The following PTPRD variants were observed in gnomAD, a reference collection of about 807,000 sequenced individuals.
The protein encoded by PTPRD is protein tyrosine phosphatase receptor type D, also known as receptor-type tyrosine-protein phosphatase delta.
A neutral mutation model predicts 214.5 loss-of-function variants in PTPRD; 34 were observed. The observed-to-expected ratio is 0.16, with a 90% confidence interval of 0.12 to 0.21. The LOEUF (loss-of-function observed/expected upper bound fraction) is 0.21. Ranked by LOEUF, PTPRD falls within the 10% of genes least tolerant of loss-of-function variation. PTPRD has a pLI of 1.00. For missense variants in PTPRD, 2,545 were observed against 2,398.7 expected (o/e 1.06, Z -1.27); for synonymous variants, 1,128 against 845.7 (o/e 1.33, Z -5.79).
intron 14 of PTPRD, among the ~76,000 whole-genome samples, chr9:8,579,302 TG>T (rs1474845947): frequency 6.6e-6 from 1 of 152,246 alleles, no homozygotes; most frequent in Non-Finnish European, 1.5e-5. Flanking sequence ...AATGCTCTCC[TG>T]GTATATAATC....
chr9:8,818,601 T>A (rs555476265), intron 11 of PTPRD, among the ~76,000 whole-genome samples: 1 of 152,174 alleles, frequency 6.6e-6, no homozygotes, highest in Admixed American at 6.5e-5. Flanking sequence ...AAAAGCCACA[T>A]AGTCAAAAAG....
intron 3 of PTPRD, among the ~76,000 whole-genome samples, chr9:10,053,642 T>C (rs1291646599): frequency 1.3e-5 from 2 of 152,216 alleles, no homozygotes; most frequent in African/African-American, 4.8e-5. Context: ...TTTCAGGCAA[T>C]ATCTTGTATC....
chr9:10,281,987 A>G (rs1249210174), intron 3 of PTPRD, among the ~76,000 whole-genome samples: 1 of 144,330 alleles, frequency 6.9e-6, no homozygotes, highest in Non-Finnish European at 1.5e-5. Context: ...TAGTTAAAAT[A>G]ATAAAAAAAA....
At chr9:10,104,991 T>C (rs1050032402) in intron 3 of PTPRD, among the ~76,000 whole-genome samples, 2 of 151,822 alleles carry the variant, frequency 1.3e-5, no homozygotes, top group African/African-American at 2.4e-5. Context: ...TTTCTCCCTT[T>C]GTATATCTGG....
chr9:9,239,670 G>T (rs975898039), intron 9 of PTPRD, among the ~76,000 whole-genome samples: 1 of 152,148 alleles, frequency 6.6e-6, no homozygotes, highest in Non-Finnish European at 1.5e-5. Context: ...TGGGCAGATG[G>T]CCATGGTACA....
chr9:9,435,429 C>T (rs942671521), intron 8 of PTPRD, among the ~76,000 whole-genome samples: 3 of 151,306 alleles, frequency 2.0e-5, no homozygotes, highest in Admixed American at 6.6e-5. Flanking sequence ...GAGGATCCCT[C>T]GAACCCAGGA....
At chr9:8,566,319 A>G (rs2089174885) in intron 14 of PTPRD, among the ~76,000 whole-genome samples, 1 of 152,158 alleles carries the variant, frequency 6.6e-6, no homozygotes, top group Non-Finnish European at 1.5e-5. Context: ...ATCTGTACGA[A>G]TAGCTGAGCC....
intron 2 of PTPRD, among the ~76,000 whole-genome samples, chr9:10,580,289 A>C (rs2071254070): frequency 6.6e-6 from 1 of 152,198 alleles, no homozygotes. Flanking sequence ...TAATTTTGAT[A>C]TGACTATGCC....
chr9:9,772,275 G>T (rs7023941), intron 5 of PTPRD, among the ~76,000 whole-genome samples: 8,612 of 152,048 alleles, frequency 0.057, 777 homozygotes, highest in African/African-American at 0.2. Context: ...AATTAACCTT[G>T]CTGATAGCTT....
At chr9:8,369,257 TTA>T (rs2080827142) in intron 39 of PTPRD, among the ~76,000 whole-genome samples, 1 of 152,150 alleles carries the variant, frequency 6.6e-6, no homozygotes, top group African/African-American at 2.4e-5. Context: ...TCTTTTGTTT[TTA>T]TGCTCTTATG....
intron 8 of PTPRD, among the ~76,000 whole-genome samples, chr9:9,567,776 T>G (rs1458042760): frequency 6.6e-6 from 1 of 151,924 alleles, no homozygotes; most frequent in Non-Finnish European, 1.5e-5. Flanking sequence ...CATTTTTAAA[T>G]GCAGAGGGTA....
rs189896181 is a variant in PTPRD at position 9,507,298 on chromosome 9, A to T, written c.-237+67434T>A. Among the ~76,000 whole-genome samples the T allele has an allele frequency of 2.1e-3, 312 of 151,376 alleles. 1 individual carries two copies. Among genetic ancestry groups the T allele is most frequent in the African/African-American group, 6.7e-3 (277 of 41,488 alleles). ...AACACACAAAATTGCAGAAACTGGG[A>T]TTAAATTTGTTATATATTAAGAATG... is the stretch of plus-strand genomic sequence containing the variant. On this transcript the variant is annotated intron_variant, in intron 8 of 45. Coordinates refer to ENST00000381196, the MANE Select transcript of PTPRD (RefSeq NM_002839.4).
At chr9:9,659,614 G>A (rs971122477) in intron 7 of PTPRD, among the ~76,000 whole-genome samples, 3 of 151,678 alleles carry the variant, frequency 2.0e-5, no homozygotes, top group Non-Finnish European at 4.4e-5. Context: ...AAAATACCCT[G>A]AAAAAAAGCT....
intron 9 of PTPRD, among the ~76,000 whole-genome samples, chr9:9,321,554 G>GAGAAAA (rs1555226179): frequency 2.9e-5 from 1 of 34,004 alleles, no homozygotes; most frequent in African/African-American, 1.2e-4. Context: ...AAACTCCACT[G>GAGAAAA]AGAAAAAAAA....
At chr9:9,950,049 T>C (rs761699563) in intron 4 of PTPRD, among the ~76,000 whole-genome samples, 3 of 152,196 alleles carry the variant, frequency 2.0e-5, no homozygotes, top group Non-Finnish European at 4.4e-5. Flanking sequence ...TAACGTACCA[T>C]CATAGTCCAG....
intron 10 of PTPRD, among the ~76,000 whole-genome samples, chr9:9,125,650 C>T (rs2099829848): frequency 6.6e-6 from 1 of 152,138 alleles, no homozygotes; most frequent in Non-Finnish European, 1.5e-5. Flanking sequence ...AACATAGCCT[C>T]CCAGGTGAGA....
intron 14 of PTPRD, among the ~76,000 whole-genome samples, chr9:8,578,526 G>A (rs572691636): frequency 1.3e-5 from 2 of 152,268 alleles, no homozygotes; most frequent in East Asian, 3.9e-4. Context: ...TCTCTAGGCT[G>A]TCAATACAAC....
chr9:9,081,387 C>A (rs1359938154), intron 10 of PTPRD, among the ~76,000 whole-genome samples: 1 of 152,008 alleles, frequency 6.6e-6, no homozygotes, highest in Non-Finnish European at 1.5e-5. Context: ...CATTCTTTTG[C>A]ATTTGCTGAG....
At position 9,843,283 on chromosome 9, in the gene PTPRD, G is replaced by A. The variant is rs567477041; in HGVS notation, c.-367-76432C>T. ...TAATATCGCTTAGGGACTTGGTTCC[G>A]GGCTTTATAAATAGTTGTTACACCT... is the stretch of plus-strand genomic sequence containing the variant. On this transcript the variant is annotated intron_variant, in intron 5 of 45. Coordinates refer to ENST00000381196, the MANE Select transcript of PTPRD (RefSeq NM_002839.4). 4.6e-5 allele frequency among the ~76,000 whole-genome samples: 7 copies of A among 151,994 alleles called. No homozygotes were observed. In the South Asian group the frequency reaches 1.0e-3, roughly 23 times the overall value.
Sources: allele counts gnomAD v4.1 joint callset (sites outside exome capture counted in the v4.1 genomes callset), GRCh38; gene constraint gnomAD v4.1.1; transcripts MANE v1.5; gene names NCBI Gene and HGNC (gene_info 2026-07-23, HGNC 2026-07-21).